TNFSF4: variants seen among roughly 807,000 people sequenced by gnomAD.
TNFSF4 encodes the protein tumor necrosis factor ligand superfamily member 4.
In TNFSF4, 4 loss-of-function variants were observed where a neutral mutation model predicts 7.3. That is an observed-to-expected ratio of 0.55 (90% CI 0.27 to 1.25). TNFSF4 has a LOEUF of 1.25. TNFSF4 is among the 50% of genes most tolerant of loss of function. The pLI, the probability that TNFSF4 is intolerant of heterozygous loss-of-function variation, is 0.12. For missense variants in TNFSF4, 181 were observed against 208.8 expected (o/e 0.87, Z 0.82); for synonymous variants, 76 against 83.7 (o/e 0.91, Z 0.50).
Position 173,193,083 on chromosome 1 carries a change from C to T in TNFSF4, c.154-4514G>A, listed in dbSNP as rs183543874. On this transcript the variant is annotated intron_variant, in intron 1 of 2. Transcript: ENST00000281834. ...CTAACAAAGTTATCATATCAGTGCT[C>T]TGACTCCCTGTACCTCAGAGAAACA... is the stretch of plus-strand genomic sequence containing the variant. Among the ~76,000 whole-genome samples the T allele has an allele frequency of 2.0e-5, 3 of 152,224 alleles. No individual in the cohort carries two copies. In the East Asian group the frequency reaches 5.8e-4, roughly 29 times the overall value.
chr1:173,181,344 CAGG>C (rs1321015306), downstream of TNFSF4, among the ~76,000 whole-genome samples: 1 of 152,122 alleles, frequency 6.6e-6, no homozygotes, highest in Non-Finnish European at 1.5e-5. Context: ...TCGTATAAAT[CAGG>C]AGAAAAATCA....
chr1:173,234,005 C>T, the TNFSF4 span, among the ~76,000 whole-genome samples: 17 of 152,302 alleles, frequency 1.1e-4, no homozygotes, highest in African/African-American at 4.1e-4. Context: ...TCAGAGTGAA[C>T]AGGCAACCTA....
the TNFSF4 span, among the ~76,000 whole-genome samples, chr1:173,396,571 T>C: frequency 2.0e-5 from 3 of 152,108 alleles, no homozygotes; most frequent in Non-Finnish European, 2.9e-5. Context: ...TGCAATCAAG[T>C]TTATTGATAT....
chr1:173,291,102 T>C, the TNFSF4 span, among the ~76,000 whole-genome samples: 1 of 152,178 alleles, frequency 6.6e-6, no homozygotes, highest in Non-Finnish European at 1.5e-5. Context: ...CTGCAGGATA[T>C]ACAGGAAGCA....
At chr1:173,343,903 GGA>G in the TNFSF4 span, among the ~76,000 whole-genome samples, 3 of 152,096 alleles carry the variant, frequency 2.0e-5, no homozygotes, top group Non-Finnish European at 4.4e-5. Context: ...TACTGACAAT[GGA>G]AATAAAAAGG....
At chr1:173,206,531 G>A (rs1046865837) in intron 1 of TNFSF4, among the ~76,000 whole-genome samples, 3 of 152,136 alleles carry the variant, frequency 2.0e-5, no homozygotes, top group African/African-American at 2.4e-5. Flanking sequence ...ACACATGCAC[G>A]CACACATTGC....
the TNFSF4 span, among the ~76,000 whole-genome samples, chr1:173,367,802 C>A: frequency 1.3e-5 from 2 of 152,134 alleles, no homozygotes; most frequent in Admixed American, 6.5e-5. Context: ...GAATAAAACC[C>A]TAATGTGGCC....
the TNFSF4 span, among the ~76,000 whole-genome samples, chr1:173,367,942 G>A: frequency 6.6e-6 from 1 of 152,172 alleles, no homozygotes; most frequent in Non-Finnish European, 1.5e-5. Flanking sequence ...GATTGTAAGA[G>A]GCACCAATCA....
the TNFSF4 span, among the ~76,000 whole-genome samples, chr1:173,376,175 T>C: frequency 2.6e-5 from 4 of 152,174 alleles, no homozygotes; most frequent in Non-Finnish European, 4.4e-5. Context: ...CTTTTCTCAA[T>C]AGCAAAGACT....
At chr1:173,408,744 T>C in the TNFSF4 span, among the ~76,000 whole-genome samples, 1 of 152,014 alleles carries the variant, frequency 6.6e-6, no homozygotes, top group Non-Finnish European at 1.5e-5. Flanking sequence ...TGCGCCACCA[T>C]GCCTGGCTAA....
the TNFSF4 span, among the ~76,000 whole-genome samples, chr1:173,324,815 T>C: frequency 1.3e-5 from 2 of 152,204 alleles, no homozygotes; most frequent in Non-Finnish European, 2.9e-5. Context: ...AAGAACTAAC[T>C]ATCCTAAATA....
chr1:173,402,237 AAAT>A, the TNFSF4 span, among the ~76,000 whole-genome samples: 2 of 152,216 alleles, frequency 1.3e-5, no homozygotes, highest in Non-Finnish European at 2.9e-5. Flanking sequence ...TGAGAGGCAG[AAAT>A]AATAATACCT....
chr1:173,317,545 A>G, the TNFSF4 span, among the ~76,000 whole-genome samples: 1 of 152,254 alleles, frequency 6.6e-6, no homozygotes. Flanking sequence ...TTTAAAAGAA[A>G]GAAACTAGAT....
At chr1:173,365,614 G>A in the TNFSF4 span, among the ~76,000 whole-genome samples, 2 of 152,100 alleles carry the variant, frequency 1.3e-5, no homozygotes, top group African/African-American at 4.8e-5. Context: ...CATTTTGTGA[G>A]TTTTTGATTA....
the TNFSF4 span, among the ~76,000 whole-genome samples, chr1:173,376,195 C>A: frequency 0.01 from 1,593 of 152,288 alleles, 14 homozygotes; most frequent in Non-Finnish European, 0.017. Context: ...TTGGAACCAA[C>A]CCAAATGCCC....
chr1:173,364,881 T>C, the TNFSF4 span, among the ~76,000 whole-genome samples: 1 of 151,958 alleles, frequency 6.6e-6, no homozygotes, highest in Non-Finnish European at 1.5e-5. Flanking sequence ...ATATATAAAA[T>C]TATGAATATA....
At chr1:173,232,320 T>C in the TNFSF4 span, among the ~76,000 whole-genome samples, 1 of 152,242 alleles carries the variant, frequency 6.6e-6, no homozygotes, top group Non-Finnish European at 1.5e-5. Context: ...ATTGATTTTG[T>C]ATCCTGAGAC....
At chr1:173,293,212 CTA>C in the TNFSF4 span, among the ~76,000 whole-genome samples, 63 of 152,186 alleles carry the variant, frequency 4.1e-4, no homozygotes, top group African/African-American at 1.5e-3. Context: ...CAACTTCAAA[CTA>C]TACTATAAGG....
chr1:173,361,994 C>T, the TNFSF4 span, among the ~76,000 whole-genome samples: 1 of 152,198 alleles, frequency 6.6e-6, no homozygotes, highest in Non-Finnish European at 1.5e-5. Flanking sequence ...TAAAGGAATT[C>T]CTCTAATATG....
Sources: gnomAD v4.1 joint callset for allele counts (sites outside exome capture counted in the v4.1 genomes callset) on GRCh38, gnomAD v4.1.1 for gene constraint, MANE v1.5 for transcripts, NCBI Gene and HGNC (gene_info 2026-07-23, HGNC 2026-07-21) for gene names.